Variants in CSMD1 observed in about 807,000 individuals in gnomAD.
CSMD1 encodes the protein CUB and Sushi multiple domains 1, also known as CUB and sushi domain-containing protein 1.
In CSMD1, 213 loss-of-function variants were observed where a neutral mutation model predicts 417.5. The observed-to-expected ratio is 0.51, with a 90% confidence interval of 0.46 to 0.57. The LOEUF (loss-of-function observed/expected upper bound fraction) is 0.57, where lower values mean the gene tolerates loss of function less well. Ranked by LOEUF, CSMD1 falls within the 20% of genes least tolerant of loss-of-function variation. CSMD1 has a pLI of 0.00. For synonymous variants in CSMD1, 2,862 were observed against 1,736.8 expected, an observed-to-expected ratio of 1.65 and a Z score of -16.11; for missense variants, 6,923 against 4,529.7, an observed-to-expected ratio of 1.53 and a Z score of -15.17.
intron 7 of CSMD1, among the ~76,000 whole-genome samples, chr8:3,662,000 C>T (rs781339138): frequency 1.3e-5 from 2 of 152,020 alleles, no homozygotes; most frequent in African/African-American, 2.4e-5. Flanking sequence ...GCTACGCAGA[C>T]CTTGATGGAA....
intron 1 of CSMD1, among the ~76,000 whole-genome samples, chr8:4,811,350 G>A (rs911722347): frequency 6.6e-6 from 1 of 152,078 alleles, no homozygotes; most frequent in Non-Finnish European, 1.5e-5. Context: ...AAACTACCTT[G>A]AGTATTGGCC....
intron 17 of CSMD1, among the ~76,000 whole-genome samples, chr8:3,391,628 T>C (rs538449948): frequency 2.2e-4 from 33 of 152,280 alleles, no homozygotes; most frequent in African/African-American, 7.7e-4. Flanking sequence ...AGGTTTGCTT[T>C]TACAAAAGCC....
chr8:3,816,172 C>G (rs981165369), intron 5 of CSMD1, among the ~76,000 whole-genome samples: 1 of 152,140 alleles, frequency 6.6e-6, no homozygotes, highest in African/African-American at 2.4e-5. Flanking sequence ...AAAAACCTTC[C>G]CTCTGTGCTC....
intron 12 of CSMD1, among the ~76,000 whole-genome samples, chr8:3,439,486 T>C: frequency 9.9e-6 from 1 of 101,274 alleles, no homozygotes; most frequent in African/African-American, 3.6e-5. Context: ...TGACTCTGTG[T>C]GTGTATCTGT....
chr8:2,997,676 A>T (rs2128953066), intron 54 of CSMD1, among the ~76,000 whole-genome samples: 1 of 152,386 alleles, frequency 6.6e-6, no homozygotes, highest in South Asian at 2.1e-4. Context: ...TCGTAAAGAC[A>T]GTCATAAAAT....
chr8:3,745,331 C>G (rs11775948), intron 6 of CSMD1, among the ~76,000 whole-genome samples: 1 of 151,962 alleles, frequency 6.6e-6, no homozygotes, highest in African/African-American at 2.4e-5. Context: ...TGGTTGGAAT[C>G]TCATGAGCCT....
At chr8:4,640,621 T>G (rs932705619) in intron 1 of CSMD1, among the ~76,000 whole-genome samples, 1 of 152,224 alleles carries the variant, frequency 6.6e-6, no homozygotes, top group African/African-American at 2.4e-5. Context: ...ATGTAAATGA[T>G]GTCCTTAAGT....
intron 3 of CSMD1, among the ~76,000 whole-genome samples, chr8:4,172,198 C>T (rs1490629659): frequency 6.6e-6 from 1 of 151,978 alleles, no homozygotes; most frequent in Non-Finnish European, 1.5e-5. Context: ...AACTCTACGC[C>T]ATCTAAAATA....
chr8:4,852,641 A>G (rs193117943), intron 1 of CSMD1, among the ~76,000 whole-genome samples: 84 of 152,294 alleles, frequency 5.5e-4, no homozygotes, highest in Admixed American at 5.4e-3. Context: ...TGGCTTTGGA[A>G]CTAGGTAATG....
At chr8:3,150,615 T>C (rs1267379551) in intron 40 of CSMD1, among the ~76,000 whole-genome samples, 1 of 152,188 alleles carries the variant, frequency 6.6e-6, no homozygotes, top group Non-Finnish European at 1.5e-5. Flanking sequence ...ATTCAGCTAC[T>C]ATTTAGTACA....
At chr8:3,698,768 C>T (rs772132299) in intron 7 of CSMD1, among the ~76,000 whole-genome samples, 6 of 152,134 alleles carry the variant, frequency 3.9e-5, no homozygotes, top group South Asian at 2.1e-4. Flanking sequence ...TATCCATATG[C>T]GGACTAATAG....
intron 3 of CSMD1, among the ~76,000 whole-genome samples, chr8:4,251,213 C>T (rs1321563802): frequency 6.6e-6 from 1 of 151,970 alleles, no homozygotes; most frequent in Non-Finnish European, 1.5e-5. Flanking sequence ...ATAAATAAAA[C>T]CTATAACAGC....
chr8:4,637,417 G>A lies in CSMD1; in HGVS notation c.227C>T (p.Thr76Ile). The stretch of plus-strand genomic sequence containing the variant: ...ATCAAAATCTTCTTCAAGAGCAAAG[G>A]TATGGAAGGACAACTGTATCCTATT... ...ERNRIQLSFH[T>I]FALEEDFDIL... is the part of the protein sequence containing the mutation. Residue 76 changes from threonine (T) to isoleucine (I), a missense_variant, in exon 2 of 70, where the codon ACC becomes ATC. Thr to Ile is a moderately conservative substitution (Grantham distance 89, BLOSUM62 -1). Transcript: ENST00000635120. 6.2e-7 allele frequency: 1 copy of A among 1,613,836 alleles called. No individual in the cohort carries two copies. The highest frequency in any genetic ancestry group is 8.5e-7 in the Non-Finnish European group (1 of 1,179,858).
At position 4,100,836 on chromosome 8, in the gene CSMD1, A is replaced by G. The variant is rs1415472930; in HGVS notation, c.416-68737T>C. 2.0e-5 allele frequency among the ~76,000 whole-genome samples: 3 copies of G among 152,204 alleles called. No individual in the cohort carries two copies. In the East Asian group the frequency reaches 5.8e-4, roughly 29 times the overall value. Reference sequence around the variant, plus strand: ...AAAAGTTAAACATGTATAAACTGTAAAAGCAAGAGCCTCAGAGACTTAAAA... The same window carrying G: ...AAAAGTTAAACATGTATAAACTGTAGAAGCAAGAGCCTCAGAGACTTAAAA... On this transcript the variant is annotated intron_variant, in intron 3 of 69. Coordinates refer to ENST00000635120, the MANE Select transcript of CSMD1 (RefSeq NM_033225.6).
chr8:4,063,473 T>C (rs1585233820), intron 3 of CSMD1, among the ~76,000 whole-genome samples: 1 of 152,204 alleles, frequency 6.6e-6, no homozygotes, highest in African/African-American at 2.4e-5. Context: ...ATACCATGTC[T>C]TATATGCGTC....
intron 26 of CSMD1, among the ~76,000 whole-genome samples, chr8:3,262,184 A>AATATAT (rs201972449): frequency 1.9e-4 from 12 of 63,170 alleles, no homozygotes; most frequent in East Asian, 5.9e-4. Context: ...TGCTCATATG[A>AATATAT]ATATATATAT....
chr8:3,605,655 A>T (rs2117103768), intron 8 of CSMD1, among the ~76,000 whole-genome samples: 1 of 152,342 alleles, frequency 6.6e-6, no homozygotes, highest in Non-Finnish European at 1.5e-5. Context: ...TCAAAATAGA[A>T]TGAAAAATAA....
At chr8:3,791,631 C>T (rs1178637891) in intron 5 of CSMD1, among the ~76,000 whole-genome samples, 1 of 152,138 alleles carries the variant, frequency 6.6e-6, no homozygotes. Flanking sequence ...CAAGACCAGC[C>T]TGGTCAGCAT....
chr8:4,694,421 G>C (rs377098354), intron 1 of CSMD1, among the ~76,000 whole-genome samples: 2 of 151,856 alleles, frequency 1.3e-5, no homozygotes, highest in South Asian at 4.2e-4. Flanking sequence ...GTGTGATCTT[G>C]GGTCACTGCA....
Sources: allele counts gnomAD v4.1 joint callset (sites outside exome capture counted in the v4.1 genomes callset), GRCh38; gene constraint gnomAD v4.1.1; transcripts MANE v1.5; gene names NCBI Gene and HGNC (gene_info 2026-07-23, HGNC 2026-07-21).